The following E2F7 variants were observed in gnomAD, a reference collection of about 807,000 sequenced individuals.
E2F7 encodes the protein E2F transcription factor 7.
A neutral mutation model predicts 81.1 loss-of-function variants in E2F7; 35 were observed. That is an observed-to-expected ratio of 0.43 (90% confidence interval 0.33 to 0.57). The LOEUF is 0.57. Among genes scored for constraint, E2F7 ranks in the 20% least tolerant of loss-of-function variants. The probability of loss-of-function intolerance (pLI) is 0.04; values close to 1 mark genes in which losing one functional copy is unlikely to be tolerated. For synonymous variants in E2F7, 416 were observed against 416.2 expected (o/e 1.00, Z 0.01); for missense variants, 961 against 1,093.7 (o/e 0.88, Z 1.71).
intron 7 of E2F7, 68 bp from the exon 8 acceptor site, chr12:77,034,110 A>T (rs1954829606): frequency 7.1e-6 from 10 of 1,416,348 alleles, no homozygotes; most frequent in Non-Finnish European, 9.6e-6. Flanking sequence ...CGTCTATTTA[A>T]GAGATGGCTT....
intron 2 of E2F7, among the ~76,000 whole-genome samples, chr12:77,057,826 T>C (rs1250760136): frequency 6.6e-6 from 1 of 152,194 alleles, no homozygotes; most frequent in Non-Finnish European, 1.5e-5. Context: ...CAGTCAATAG[T>C]GTGTCATATA....
chr12:77,021,852 G>C lies in E2F7; in HGVS notation c.*2163C>G, dbSNP rs1176644934. On this transcript the variant is annotated 3_prime_UTR_variant, in exon 13 of 13. Coordinates refer to ENST00000322886, the MANE Select transcript of E2F7 (RefSeq NM_203394.3). The stretch of plus-strand genomic sequence containing the variant: ...TATTTTCCTGACAGAAACAACCACT[G>C]CATTATTATTTTTACATATAAAGCC... 1 of 152,122 alleles carries C rather than the reference G, an allele frequency of 6.6e-6. No individual in the cohort carries two copies. The highest frequency in any genetic ancestry group is 2.4e-5 in the African/African-American group (1 of 41,418). 9.4% of individuals were successfully genotyped at this position (152,122 alleles called of 1,614,324 possible). A position where few individuals can be genotyped will look rare whatever the true frequency, so the allele number is the denominator to read the frequency against.
At chr12:77,048,487 G>C (rs972050687) in intron 4 of E2F7, among the ~76,000 whole-genome samples, 3 of 152,120 alleles carry the variant, frequency 2.0e-5, no homozygotes, top group African/African-American at 7.2e-5. Context: ...TGTTACCCAT[G>C]ATATCCAGTG....
intron 4 of E2F7, 95 bp from the exon 5 acceptor site, chr12:77,046,423 G>C: frequency 7.4e-7 from 1 of 1,353,210 alleles, no homozygotes; most frequent in Admixed American, 2.5e-5. Context: ...GAACTACTTT[G>C]TCTGATCCCC....
chr12:77,036,056 A>T (rs1372764841), intron 7 of E2F7, among the ~76,000 whole-genome samples: 1 of 136,082 alleles, frequency 7.3e-6, no homozygotes, highest in Non-Finnish European at 1.6e-5. Flanking sequence ...ACTTTAGGTA[A>T]CCAAAAGCAA....
chr12:77,027,085 C>T (rs1170744777), intron 11 of E2F7, among the ~76,000 whole-genome samples: 1 of 152,130 alleles, frequency 6.6e-6, no homozygotes, highest in African/African-American at 2.4e-5. Context: ...CTAAAAGATA[C>T]TTACTAAAGA....
intron 4 of E2F7, among the ~76,000 whole-genome samples, chr12:77,048,900 C>A (rs1474854604): frequency 1.3e-5 from 2 of 152,190 alleles, no homozygotes; most frequent in African/African-American, 4.8e-5. Flanking sequence ...CAGTGTAACA[C>A]TCCTCAATGG....
rs1464690654 is a variant in E2F7, at chr12:77,022,521, T to A, written c.*1494A>T. On this transcript the variant is annotated 3_prime_UTR_variant, in exon 13 of 13. Coordinates refer to ENST00000322886, the MANE Select transcript of E2F7 (RefSeq NM_203394.3). ...ACTCCCAGAGTCTCTTAAATTAATA[T>A]TTTCATTCTTTCATATAACATTTTA... 1 of 152,442 alleles carries A rather than the reference T, an allele frequency of 6.6e-6. No individual in the cohort carries two copies. The highest frequency in any genetic ancestry group is 2.1e-4 in the South Asian group (1 of 4,826). The allele number at this position is 152,442 out of a possible 1,614,324, so 9.4% of individuals were successfully genotyped here. A position where few individuals can be genotyped will look rare whatever the true frequency, so the allele number is the denominator to read the frequency against.
At chr12:77,043,740 C>T (rs1487206084) in intron 6 of E2F7, among the ~76,000 whole-genome samples, 2 of 152,030 alleles carry the variant, frequency 1.3e-5, no homozygotes, top group Non-Finnish European at 2.9e-5. Context: ...TTCTAGCCAC[C>T]CAGTGAGAAG....
At position 77,044,391 on chromosome 12, in the gene E2F7, T is replaced by C. The variant is rs1211985463; in HGVS notation, c.988+246A>G. The C allele has an allele frequency of 1.9e-5, 11 of 581,048 alleles. No homozygotes were observed. In the African/African-American group the frequency reaches 2.0e-4, roughly 11 times the overall value. The allele number at this position is 581,048 out of a possible 1,614,324, so 36.0% of individuals were successfully genotyped here. On this transcript the variant is annotated intron_variant, in intron 6 of 12. Coordinates refer to ENST00000322886, the MANE Select transcript of E2F7 (RefSeq NM_203394.3). Reference sequence around the variant, plus strand: ...TTCACACCCTCCCTGACCGGAGTTCTCAGGATAGTGTTCTGTTTTTCACTC... The same window carrying C: ...TTCACACCCTCCCTGACCGGAGTTCCCAGGATAGTGTTCTGTTTTTCACTC...
At chr12:77,034,443 T>C (rs1267921496) in intron 7 of E2F7, among the ~76,000 whole-genome samples, 1 of 152,214 alleles carries the variant, frequency 6.6e-6, no homozygotes, top group African/African-American at 2.4e-5. Context: ...CAAGATTAAT[T>C]GAGATCAGCT....
At chr12:77,033,760 AGTTT>A in intron 8 of E2F7, 93 bp downstream of exon 8, 2 of 1,242,472 alleles carry the variant, frequency 1.6e-6, no homozygotes, top group Non-Finnish European at 2.2e-6. Flanking sequence ...GCTGAGAGTC[AGTTT>A]GTTTTAAAAC....
At chr12:77,033,009 G>T in intron 9 of E2F7, 41 bp downstream of exon 9, 1 of 1,569,908 alleles carries the variant, frequency 6.4e-7, no homozygotes, top group Non-Finnish European at 8.7e-7. Context: ...AACACTAGGA[G>T]ATAGAAAAGA....
At chr12:77,048,625 A>G (rs1195196197) in intron 4 of E2F7, among the ~76,000 whole-genome samples, 1 of 152,178 alleles carries the variant, frequency 6.6e-6, no homozygotes, top group Admixed American at 6.5e-5. Flanking sequence ...ACCCCAAAAG[A>G]CAGTCGTCAG....
In E2F7 at chr12:77,065,466, G is replaced by T. The variant is rs1408783510; in HGVS notation, c.-122C>A. 1.3e-5 allele frequency: 2 copies of T among 152,612 alleles called. No individual in the cohort carries two copies. The highest frequency in any genetic ancestry group is 2.9e-5 in the Non-Finnish European group (2 of 68,392). The allele number at this position is 152,612 out of a possible 1,614,324, so 9.5% of individuals were successfully genotyped here. On this transcript the variant is annotated 5_prime_UTR_variant, in exon 1 of 13. Transcript: ENST00000322886. ...GCATCGGGAAGGGAGAGCGAGGCGC[G>T]CAGATCCCCGCGCCGAGTGCCCTGG... is the stretch of plus-strand genomic sequence containing the variant.
chr12:77,033,906 G>A lies in E2F7; in HGVS notation c.1260C>T (p.Ile420=). The A allele has an allele frequency of 6.2e-7, 1 of 1,613,930 alleles. No homozygotes were observed. Among genetic ancestry groups the A allele is most frequent in the Non-Finnish European group, 8.5e-7 (1 of 1,179,902 alleles). Residue 420 remains isoleucine (I), a synonymous_variant, in exon 8 of 13, where the codon ATC becomes ATT. Transcript: ENST00000322886. Reference sequence around the variant, plus strand: ...TCGGTTCTGAGTTCACTTTCCTCTGGATCCTCTCAGAAGCCTGAACTGTGT... The same window carrying A: ...TCGGTTCTGAGTTCACTTTCCTCTGAATCCTCTCAGAAGCCTGAACTGTGT... ...SFNTVQASER[I]QRKVNSEPSS...
At position 77,023,489 on chromosome 12, in the gene E2F7, T is replaced by C. The variant is rs1954730949; in HGVS notation, c.*526A>G. 1 of 152,880 alleles carries C rather than the reference T, an allele frequency of 6.5e-6. No individual in the cohort carries two copies. The highest frequency in any genetic ancestry group is 2.4e-5 in the African/African-American group (1 of 41,460). 9.5% of individuals were successfully genotyped at this position (152,880 alleles called of 1,614,324 possible). A position where few individuals can be genotyped will look rare whatever the true frequency, so the allele number is the denominator to read the frequency against. On this transcript the variant is annotated 3_prime_UTR_variant, in exon 13 of 13. Transcript: ENST00000322886. ...ACCCTGAAAAAAATGTGTTAAAGACTGTAGTTGTAAACTTTTTGCACTAAA... is the reference window on the plus strand; with the variant it reads ...ACCCTGAAAAAAATGTGTTAAAGACCGTAGTTGTAAACTTTTTGCACTAAA...
chr12:77,048,382 G>A (rs1009493731), intron 4 of E2F7, among the ~76,000 whole-genome samples: 1 of 152,160 alleles, frequency 6.6e-6, no homozygotes, highest in African/African-American at 2.4e-5. Flanking sequence ...TTTTTGCTAT[G>A]CTTCCCTTAG....
intron 4 of E2F7, among the ~76,000 whole-genome samples, chr12:77,047,521 G>GC (rs1565906606): frequency 6.6e-6 from 1 of 152,146 alleles, no homozygotes; most frequent in African/African-American, 2.4e-5. Context: ...AAGCCTCCAG[G>GC]CATCTTGCAG....
Sources: allele counts gnomAD v4.1 joint callset (sites outside exome capture counted in the v4.1 genomes callset), GRCh38; gene constraint gnomAD v4.1.1; transcripts MANE v1.5; gene names NCBI Gene and HGNC (gene_info 2026-07-23, HGNC 2026-07-21).